MREG: variants seen among roughly 807,000 people sequenced by gnomAD.
MREG encodes dilute suppressor protein homolog.
Under a neutral mutation model 28.5 loss-of-function variants are expected in MREG, and 31 were observed. That is an observed-to-expected ratio of 1.09 (90% CI 0.82 to 1.47). MREG has a LOEUF of 1.47. Among genes scored for constraint, MREG ranks in the 40% most tolerant of loss-of-function variants. The probability of loss-of-function intolerance (pLI) is 0.00; values close to 1 mark genes in which losing one functional copy is unlikely to be tolerated. For synonymous variants in MREG, 106 were observed against 95.2 expected (o/e 1.11, Z -0.66); for missense variants, 256 against 257.4 (o/e 0.99, Z 0.04).
upstream of MREG, among the ~76,000 whole-genome samples, chr2:216,014,344 C>G (rs376235158): frequency 2.1e-4 from 32 of 152,088 alleles, no homozygotes; most frequent in African/African-American, 7.7e-4. Context: ...TATTTGAACA[C>G]GTCTGCAAGA....
At chr2:216,007,823 CATACATGTTGG>C (rs1694201060) in intron 1 of MREG, among the ~76,000 whole-genome samples, 1 of 151,670 alleles carries the variant, frequency 6.6e-6, no homozygotes, top group Non-Finnish European at 1.5e-5. Context: ...GAAGTGCTAA[CATACATGTTGG>C]ATAAGCTTCA....
At chr2:215,969,521 C>G (rs77718409) in intron 2 of MREG, among the ~76,000 whole-genome samples, 2 of 152,100 alleles carry the variant, frequency 1.3e-5, no homozygotes, top group Non-Finnish European at 2.9e-5. Flanking sequence ...CTTGAGTGCC[C>G]GTTTCCATAT....
chr2:216,017,155 T>C (rs1694461051), upstream of MREG, among the ~76,000 whole-genome samples: 1 of 152,156 alleles, frequency 6.6e-6, no homozygotes, highest in South Asian at 2.1e-4. Flanking sequence ...CTGTTATTGT[T>C]AGTGAGTTTT....
chr2:215,989,772 G>T (rs970718601), intron 2 of MREG, among the ~76,000 whole-genome samples: 1 of 151,708 alleles, frequency 6.6e-6, no homozygotes, highest in Non-Finnish European at 1.5e-5. Flanking sequence ...TAGCCAAATC[G>T]ATCAAGCAGA....
intron 2 of MREG, 37 bp downstream of exon 2, chr2:215,996,269 A>C: frequency 6.3e-7 from 1 of 1,592,344 alleles, no homozygotes; most frequent in Non-Finnish European, 8.5e-7. Context: ...ACTATATAGC[A>C]TCATCCGCGC....
At position 215,944,865 on chromosome 2, in the gene MREG, AG is replaced by A. The variant is rs1201236701; in HGVS notation, c.642del (p.Ter215LysfsTer36). On this transcript the variant is annotated frameshift_variant, in exon 5 of 5. Transcript: ENST00000263268. LOFTEE classifies it high-confidence loss of function. ...CATTCTGCCCCTGAGCCTCTCCTTT[AG>A]GGACTTGGAAACGGAAGGTAGTGCA... is the stretch of plus-strand genomic sequence containing the variant. ...KELHYLPFPSP is the reference protein window; with the variant it reads ...KELHYLPFPSX 5.0e-6 allele frequency: 8 copies of A among 1,589,492 alleles called. No homozygotes were observed.
rs1692970497 is a variant in MREG, at chr2:215,967,378, A to T, written c.256-20265T>A. 2.0e-5 allele frequency among the ~76,000 whole-genome samples: 3 copies of T among 152,340 alleles called. No individual in the cohort carries two copies. The South Asian group carries it at 6.2e-4, about 32-fold the overall frequency. ...GACAGGGTGCATTTTAATATATTTG[A>T]AAATTATAGTGCATTTTTTCACTTA... On this transcript the variant is annotated intron_variant, in intron 2 of 4. Coordinates refer to ENST00000263268, the MANE Select transcript of MREG (RefSeq NM_018000.3).
chr2:215,976,284 G>T (rs1169915102), intron 2 of MREG, among the ~76,000 whole-genome samples: 1 of 152,074 alleles, frequency 6.6e-6, no homozygotes, highest in Non-Finnish European at 1.5e-5. Flanking sequence ...GTTCTGTCTG[G>T]GTATCTGCCC....
At chr2:215,956,350 T>TCTAC (rs1189402105) in intron 2 of MREG, among the ~76,000 whole-genome samples, 1 of 152,200 alleles carries the variant, frequency 6.6e-6, no homozygotes, top group Non-Finnish European at 1.5e-5. Flanking sequence ...TATCTATCTA[T>TCTAC]CTACCTACCT....
chr2:216,028,297 C>T (rs951407064), intron 1 of MREG, among the ~76,000 whole-genome samples: 5 of 152,014 alleles, frequency 3.3e-5, no homozygotes, highest in Admixed American at 6.6e-5. Flanking sequence ...AGATGGATCA[C>T]GAGGTCAGGA....
chr2:216,015,127 G>C (rs1246193632), upstream of MREG, among the ~76,000 whole-genome samples: 4 of 152,106 alleles, frequency 2.6e-5, no homozygotes, highest in Admixed American at 6.5e-5. Context: ...ACGCGTGTGT[G>C]TGCGCGCGTG....
intron 1 of MREG, among the ~76,000 whole-genome samples, chr2:216,023,141 C>T (rs1055613507): frequency 1.3e-5 from 2 of 152,196 alleles, no homozygotes; most frequent in Admixed American, 6.5e-5. Context: ...AAAGTAAAGA[C>T]AGCAGGTGGA....
At chr2:216,008,608 G>A (rs1006034919) in intron 1 of MREG, among the ~76,000 whole-genome samples, 4 of 152,302 alleles carry the variant, frequency 2.6e-5, no homozygotes, top group Middle Eastern at 3.4e-3. Context: ...ATGGACAGAC[G>A]TCACTGTTTT....
upstream of MREG, among the ~76,000 whole-genome samples, chr2:216,017,635 C>G (rs1439709611): frequency 6.6e-6 from 1 of 152,188 alleles, no homozygotes; most frequent in Non-Finnish European, 1.5e-5. Context: ...GGGAAGTAGG[C>G]AGTCCCCTGC....
chr2:215,980,747 A>G lies in MREG; in HGVS notation c.255+15559T>C. ...GAATCACTTGAACCCAGGAGGTGGA[A>G]GTTGCAGTGAGCAGAGATCACGCCA... is the stretch of plus-strand genomic sequence containing the variant. On this transcript the variant is annotated intron_variant, in intron 2 of 4. Coordinates refer to ENST00000263268, the MANE Select transcript of MREG (RefSeq NM_018000.3). 1.3e-5 allele frequency among the ~76,000 whole-genome samples: 2 copies of G among 151,612 alleles called. 1 individual carries two copies. The highest frequency in any genetic ancestry group is 2.9e-5 in the Non-Finnish European group (2 of 67,868).
At chr2:215,986,668 G>A (rs188544148) in intron 2 of MREG, among the ~76,000 whole-genome samples, 136 of 152,178 alleles carry the variant, frequency 8.9e-4, no homozygotes, top group African/African-American at 3.2e-3. Context: ...TTCTGTTCTC[G>A]AAGTCTCACA....
chr2:215,963,794 G>A (rs1446684229), intron 2 of MREG, among the ~76,000 whole-genome samples: 3 of 152,142 alleles, frequency 2.0e-5, no homozygotes, highest in South Asian at 2.1e-4. Flanking sequence ...TATTTGAAGC[G>A]TGTCTTTCAG....
chr2:216,010,103 C>T (rs1694257630), intron 1 of MREG, among the ~76,000 whole-genome samples: 1 of 152,060 alleles, frequency 6.6e-6, no homozygotes, highest in Non-Finnish European at 1.5e-5. Flanking sequence ...AGGACAGACC[C>T]TAAATCCAAT....
At chr2:216,031,501 AAG>A (rs1169736049) in intron 1 of MREG, among the ~76,000 whole-genome samples, 2 of 130,644 alleles carry the variant, frequency 1.5e-5, no homozygotes, top group South Asian at 2.3e-4. Context: ...AAGAGAAAGA[AAG>A]AGAGAAAGGA....
Sources: allele counts gnomAD v4.1 joint callset (sites outside exome capture counted in the v4.1 genomes callset), GRCh38; gene constraint gnomAD v4.1.1; transcripts MANE v1.5; gene names NCBI Gene and HGNC (gene_info 2026-07-23, HGNC 2026-07-21).